ZMAT5: variants seen among roughly 807,000 people sequenced by gnomAD.
ZMAT5 encodes zinc finger matrin-type 5, also known as zinc finger matrin-type protein 5.
Under a neutral mutation model 28.0 loss-of-function variants are expected in ZMAT5, and 23 were observed. The observed-to-expected ratio is 0.82, with a 90% confidence interval of 0.59 to 1.16. The LOEUF (loss-of-function observed/expected upper bound fraction) is 1.16. ZMAT5 is among the 50% of genes most tolerant of loss of function. The pLI, the probability that ZMAT5 is intolerant of heterozygous loss-of-function variation, is 0.00. For missense variants in ZMAT5, 173 were observed against 212.7 expected, an observed-to-expected ratio of 0.81 and a Z score of 1.16; for synonymous variants, 76 against 84.1, an observed-to-expected ratio of 0.90 and a Z score of 0.52.
At chr22:29,745,428 C>T (rs2068000757) in intron 2 of ZMAT5, among the ~76,000 whole-genome samples, 1 of 152,292 alleles carries the variant, frequency 6.6e-6, no homozygotes, top group South Asian at 2.1e-4. Flanking sequence ...TCTAATTGGG[C>T]GCAAGCTCGC....
rs554272832 is a variant in ZMAT5 at position 29,753,402 on chromosome 22, G to T, written c.-27-4831C>A. Among the ~76,000 whole-genome samples the T allele has an allele frequency of 3.9e-5, 6 of 152,310 alleles. No homozygotes were observed. In the East Asian group the frequency reaches 1.2e-3, roughly 29 times the overall value. On this transcript the variant is annotated intron_variant, in intron 1 of 5. Coordinates refer to ENST00000344318, the MANE Select transcript of ZMAT5 (RefSeq NM_001003692.2). ...TAGCTGGGCATAGTGGCGTGTGCCT[G>T]TAGTCCCAGCTACTCAGAAGGCTGA... is the stretch of plus-strand genomic sequence containing the variant.
At chr22:29,741,619 T>C (rs1459215805) in intron 3 of ZMAT5, among the ~76,000 whole-genome samples, 1 of 152,204 alleles carries the variant, frequency 6.6e-6, no homozygotes, top group Non-Finnish European at 1.5e-5. Context: ...CTGTCTTTGG[T>C]TCCTTCACTT....
intron 2 of ZMAT5, among the ~76,000 whole-genome samples, chr22:29,745,190 G>A (rs944564538): frequency 3.9e-5 from 6 of 152,190 alleles, no homozygotes; most frequent in East Asian, 1.9e-4. Context: ...GACCTGACCC[G>A]TTCTAGGGGT....
At chr22:29,737,347 GA>G (rs1321394759) in intron 5 of ZMAT5, among the ~76,000 whole-genome samples, 1 of 151,770 alleles carries the variant, frequency 6.6e-6, no homozygotes, top group Non-Finnish European at 1.5e-5. Context: ...AAGAAAGAAA[GA>G]AAAAAAACAC....
At chr22:29,746,925 GGA>G (rs1344796011) in intron 2 of ZMAT5, 3 of 152,138 alleles carry the variant, frequency 2.0e-5, no homozygotes, top group Admixed American at 6.5e-5. Flanking sequence ...TAGGGAGCTA[GGA>G]GACCCCACTG....
At chr22:29,756,984 A>C (rs1242700342) in intron 1 of ZMAT5, among the ~76,000 whole-genome samples, 1 of 152,164 alleles carries the variant, frequency 6.6e-6, no homozygotes, top group Non-Finnish European at 1.5e-5. Context: ...GGTTGCAGTG[A>C]GCCAAGATTG....
At chr22:29,765,924 C>T (rs2068206526) in intron 1 of ZMAT5, among the ~76,000 whole-genome samples, 1 of 152,166 alleles carries the variant, frequency 6.6e-6, no homozygotes. Flanking sequence ...TTCCCCCTTG[C>T]GGTCCACTCT....
At chr22:29,732,391 C>T (rs140101) in intron 5 of ZMAT5, among the ~76,000 whole-genome samples, 54,784 of 152,044 alleles carry the variant, frequency 0.36, 10,971 homozygotes, top group East Asian at 0.6. Context: ...CAGCAATAGC[C>T]GTGAGACAAT....
intron 1 of ZMAT5, among the ~76,000 whole-genome samples, chr22:29,761,520 G>C (rs1329664235): frequency 6.6e-6 from 1 of 151,970 alleles, no homozygotes; most frequent in Non-Finnish European, 1.5e-5. Flanking sequence ...TGAGCCCAGG[G>C]AGATGGAGGC....
chr22:29,741,861 C>T (rs902747507), intron 3 of ZMAT5, among the ~76,000 whole-genome samples: 4 of 152,076 alleles, frequency 2.6e-5, no homozygotes, highest in Non-Finnish European at 4.4e-5. Flanking sequence ...GCTATGTTGC[C>T]CAGGCTGGTC....
At chr22:29,748,255 C>T in intron 2 of ZMAT5, 163 bp downstream of exon 2, 1 of 962,218 alleles carries the variant, frequency 1.0e-6, no homozygotes, top group Non-Finnish European at 1.6e-6. Context: ...AAGAGCTCAC[C>T]TACCAGCCTG....
chr22:29,749,109 G>A (rs955294723), intron 1 of ZMAT5, among the ~76,000 whole-genome samples: 2 of 152,058 alleles, frequency 1.3e-5, no homozygotes, highest in Non-Finnish European at 2.9e-5. Flanking sequence ...ACAGAGTCTC[G>A]CTCTGTCACC....
At chr22:29,762,217 A>G (rs1450976296) in intron 1 of ZMAT5, among the ~76,000 whole-genome samples, 1 of 152,244 alleles carries the variant, frequency 6.6e-6, no homozygotes, top group Non-Finnish European at 1.5e-5. Context: ...GTCTTGAGAA[A>G]TTCAGAATCT....
At chr22:29,760,052 T>A (rs2068141481) in intron 1 of ZMAT5, among the ~76,000 whole-genome samples, 1 of 151,944 alleles carries the variant, frequency 6.6e-6, no homozygotes, top group Admixed American at 6.6e-5. Context: ...ATACAAAAAA[T>A]TAGCTGGGAA....
chr22:29,752,032 C>T (rs2068059708), intron 1 of ZMAT5, among the ~76,000 whole-genome samples: 1 of 152,130 alleles, frequency 6.6e-6, no homozygotes, highest in South Asian at 2.1e-4. Context: ...TCACTAGCTA[C>T]ACCCTAGGAC....
At chr22:29,757,111 G>A (rs2068109390) in intron 1 of ZMAT5, among the ~76,000 whole-genome samples, 1 of 151,648 alleles carries the variant, frequency 6.6e-6, no homozygotes, top group Non-Finnish European at 1.5e-5. Context: ...AGCTGCTTGG[G>A]AGGCTGAGGT....
intron 5 of ZMAT5, 114 bp from the exon 6 acceptor site, chr22:29,731,468 T>C: frequency 1.4e-6 from 2 of 1,396,118 alleles, no homozygotes; most frequent in Non-Finnish European, 1.9e-6. Flanking sequence ...GCTGCCTGCA[T>C]GACTTTTCTG....
intron 1 of ZMAT5, among the ~76,000 whole-genome samples, chr22:29,763,533 C>T (rs1490937342): frequency 2.0e-5 from 3 of 151,726 alleles, no homozygotes; most frequent in Non-Finnish European, 4.4e-5. Context: ...ACCCAGGAGG[C>T]GGAGGTTGCA....
chr22:29,731,991 C>T (rs1399229369), intron 5 of ZMAT5, among the ~76,000 whole-genome samples: 1 of 152,106 alleles, frequency 6.6e-6, no homozygotes, highest in Non-Finnish European at 1.5e-5. Flanking sequence ...ACTCACTGTC[C>T]TCCTCCTCAA....
Sources: allele counts gnomAD v4.1 joint callset (sites outside exome capture counted in the v4.1 genomes callset), GRCh38; gene constraint gnomAD v4.1.1; transcripts MANE v1.5; gene names NCBI Gene and HGNC (gene_info 2026-07-23, HGNC 2026-07-21).